WWOX: variants seen among roughly 807,000 people sequenced by gnomAD.
The protein encoded by WWOX is WW domain containing oxidoreductase, also known as WW domain-containing oxidoreductase.
In WWOX, 69 loss-of-function variants were observed where a neutral mutation model predicts 46.2. The ratio of observed to expected loss-of-function variants is 1.49; its 90% CI spans 1.23 to 1.82. WWOX has a LOEUF of 1.82. WWOX is among the 40% of genes most tolerant of loss of function. The pLI, the probability that WWOX is intolerant of heterozygous loss-of-function variation, is 0.00. For missense variants in WWOX, 919 were observed against 542.6 expected (o/e 1.69, Z -6.89); for synonymous variants, 359 against 202.6 (o/e 1.77, Z -6.56).
At chr16:79,119,676 C>T (rs756241570) in intron 8 of WWOX, among the ~76,000 whole-genome samples, 6 of 152,166 alleles carry the variant, frequency 3.9e-5, no homozygotes, top group Non-Finnish European at 7.3e-5. Flanking sequence ...ACTGTCCAGC[C>T]GGGAGGACAG....
intron 8 of WWOX, chr16:78,551,395 A>G (rs1456678652): frequency 6.6e-6 from 1 of 152,132 alleles, no homozygotes; most frequent in Non-Finnish European, 1.5e-5. Flanking sequence ...TTTAACCTTT[A>G]CATTGACCCA....
chr16:79,131,839 G>A (rs1250990107), intron 8 of WWOX, among the ~76,000 whole-genome samples: 1 of 152,138 alleles, frequency 6.6e-6, no homozygotes, highest in East Asian at 1.9e-4. Context: ...TGCTGGGGAA[G>A]CCTTACAATC....
intron 8 of WWOX, among the ~76,000 whole-genome samples, chr16:78,887,011 C>T (rs995796205): frequency 1.3e-5 from 2 of 150,968 alleles, no homozygotes; most frequent in East Asian, 2.0e-4. Context: ...TTCATATTGT[C>T]AGTCTCAAAC....
At chr16:79,051,847 T>G (rs1017637974) in intron 8 of WWOX, among the ~76,000 whole-genome samples, 2 of 152,228 alleles carry the variant, frequency 1.3e-5, no homozygotes, top group African/African-American at 4.8e-5. Context: ...ATGTACTTTA[T>G]GTTCTTAGCT....
chr16:79,079,016 T>A (rs1450952038), intron 8 of WWOX, among the ~76,000 whole-genome samples: 2 of 152,240 alleles, frequency 1.3e-5, no homozygotes, highest in African/African-American at 2.4e-5. Flanking sequence ...TATAATACAT[T>A]TGACCTGCAT....
At chr16:78,672,486 G>C (rs913618265) in intron 8 of WWOX, among the ~76,000 whole-genome samples, 1 of 152,178 alleles carries the variant, frequency 6.6e-6, no homozygotes, top group African/African-American at 2.4e-5. Context: ...TGATCATTCA[G>C]GCATGCACAG....
intron 8 of WWOX, among the ~76,000 whole-genome samples, chr16:79,183,041 CT>C (rs2150790301): frequency 6.6e-6 from 1 of 152,334 alleles, no homozygotes; most frequent in African/African-American, 2.4e-5. Flanking sequence ...GGGGTCACCC[CT>C]GCCGTCTTCC....
intron 8 of WWOX, among the ~76,000 whole-genome samples, chr16:78,862,318 C>T: frequency 6.6e-6 from 1 of 150,614 alleles, no homozygotes; most frequent in Non-Finnish European, 1.5e-5. Flanking sequence ...ATGGGTGTGT[C>T]TTTCTATATC....
chr16:78,583,735 G>A (rs1442336727), intron 8 of WWOX, among the ~76,000 whole-genome samples: 1 of 152,190 alleles, frequency 6.6e-6, no homozygotes, highest in Admixed American at 6.5e-5. Flanking sequence ...TAATCTAGAG[G>A]GTTTTGAGTT....
chr16:78,637,092 A>C (rs1312454868), intron 8 of WWOX, among the ~76,000 whole-genome samples: 1 of 152,202 alleles, frequency 6.6e-6, no homozygotes, highest in African/African-American at 2.4e-5. Context: ...AACTGCATGC[A>C]TGCAATGCCC....
chr16:78,119,735 A>G lies in WWOX; in HGVS notation c.409+4581A>G, dbSNP rs533153942. Among the ~76,000 whole-genome samples the G allele has an allele frequency of 2.6e-5, 4 of 151,892 alleles. No individual in the cohort carries two copies. The South Asian group carries it at 8.3e-4, about 32-fold the overall frequency. On this transcript the variant is annotated intron_variant, in intron 4 of 8. Transcript: ENST00000566780. The stretch of plus-strand genomic sequence containing the variant: ...CCCACCTTAGCCTCCCAAAGTACTG[A>G]GATTACTGGTGTGAGCCACTGTGCC...
At position 78,346,371 on chromosome 16, in the gene WWOX, C is replaced by A. The variant is rs57552727; in HGVS notation, c.517-40489C>A. Among the ~76,000 whole-genome samples the A allele has an allele frequency of 5.6e-3, 676 of 120,638 alleles. 150 individuals carry two copies. Among genetic ancestry groups the A allele is most frequent in the African/African-American group, 0.018 (637 of 35,622 alleles). The allele number at this position is 120,638 out of a possible 152,430, so 79.1% of individuals were successfully genotyped here. A position where few individuals can be genotyped will look rare whatever the true frequency, so the allele number is the denominator to read the frequency against. On this transcript the variant is annotated intron_variant, in intron 5 of 8. Coordinates refer to ENST00000566780, the MANE Select transcript of WWOX (RefSeq NM_016373.4). ...CCACCGTGAATATTGATGCACTAGT[C>A]TTTGTGTGGACATATATCTGTTTTA...
intron 5 of WWOX, among the ~76,000 whole-genome samples, chr16:78,201,050 A>G (rs1195422676): frequency 1.3e-5 from 2 of 152,206 alleles, no homozygotes; most frequent in African/African-American, 4.8e-5. Flanking sequence ...GAATATGACC[A>G]TTTCTGGTCT....
intron 8 of WWOX, among the ~76,000 whole-genome samples, chr16:78,988,673 C>T (rs931255312): frequency 2.6e-5 from 4 of 152,124 alleles, no homozygotes; most frequent in Admixed American, 6.5e-5. Context: ...TTTTCAGGCA[C>T]GAAGACCAGT....
intron 8 of WWOX, among the ~76,000 whole-genome samples, chr16:78,590,910 C>T (rs2045335692): frequency 1.3e-5 from 2 of 152,292 alleles, no homozygotes; most frequent in East Asian, 1.9e-4. Flanking sequence ...GGACACTGTG[C>T]ATTTCTAAAT....
chr16:79,145,907 A>G (rs1228475073), intron 8 of WWOX, among the ~76,000 whole-genome samples: 2 of 152,226 alleles, frequency 1.3e-5, no homozygotes, highest in Non-Finnish European at 2.9e-5. Flanking sequence ...TATTAAAATT[A>G]TATAATTTAT....
At chr16:78,600,706 A>G (rs1245388084) in intron 8 of WWOX, among the ~76,000 whole-genome samples, 1 of 152,204 alleles carries the variant, frequency 6.6e-6, no homozygotes, top group Non-Finnish European at 1.5e-5. Flanking sequence ...CGACAGCAAG[A>G]CAATAGGGCC....
At chr16:79,138,765 T>A (rs1426246609) in intron 8 of WWOX, among the ~76,000 whole-genome samples, 4 of 152,206 alleles carry the variant, frequency 2.6e-5, no homozygotes, top group African/African-American at 9.6e-5. Flanking sequence ...AGGGTGAGAC[T>A]GACATCTCAT....
chr16:78,404,612 C>T (rs560565664), intron 6 of WWOX, among the ~76,000 whole-genome samples: 13 of 152,218 alleles, frequency 8.5e-5, no homozygotes, highest in Admixed American at 2.6e-4. Flanking sequence ...TTCTTAAGGA[C>T]GGGACTATGG....
Sources: gnomAD v4.1 joint callset for allele counts (sites outside exome capture counted in the v4.1 genomes callset) on GRCh38, gnomAD v4.1.1 for gene constraint, MANE v1.5 for transcripts, NCBI Gene and HGNC (gene_info 2026-07-23, HGNC 2026-07-21) for gene names.